The following RIMS2 variants were observed in gnomAD, a reference collection of about 807,000 sequenced individuals.
RIMS2 encodes regulating synaptic membrane exocytosis 2.
In RIMS2, 59 loss-of-function variants were observed where a neutral mutation model predicts 174.4. The observed-to-expected ratio is 0.34, with a 90% CI of 0.27 to 0.42. The LOEUF is 0.42. Ranked by LOEUF, RIMS2 falls within the 10% of genes least tolerant of loss-of-function variation. RIMS2 has a pLI of 1.00. For missense variants in RIMS2, 1,620 were observed against 1,666.3 expected, an observed-to-expected ratio of 0.97 and a Z score of 0.48; for synonymous variants, 606 against 572.5, an observed-to-expected ratio of 1.06 and a Z score of -0.84.
chr8:103,754,807 T>G (rs2097957665), intron 2 of RIMS2, among the ~76,000 whole-genome samples: 1 of 152,196 alleles, frequency 6.6e-6, no homozygotes, highest in African/African-American at 2.4e-5. Context: ...TCCCTTTACC[T>G]TGAGCCTATA....
chr8:103,696,862 CAAAAAAAA>C (rs55852238), intron 1 of RIMS2, among the ~76,000 whole-genome samples: 5 of 53,742 alleles, frequency 9.3e-5, no homozygotes, highest in African/African-American at 3.8e-4. Context: ...GACTTCGTCT[CAAAAAAAA>C]AAAAAAAAAA....
chr8:103,758,863 G>T (rs1400210418), intron 2 of RIMS2, among the ~76,000 whole-genome samples: 3 of 152,134 alleles, frequency 2.0e-5, no homozygotes, highest in Non-Finnish European at 4.4e-5. Flanking sequence ...AATAGAGAGG[G>T]TTAAAAGTTT....
chr8:103,888,100 A>C (rs2099216782), intron 4 of RIMS2, among the ~76,000 whole-genome samples: 1 of 151,498 alleles, frequency 6.6e-6, no homozygotes, highest in Non-Finnish European at 1.5e-5. Context: ...AATAATTGAA[A>C]ATGTGATACT....
intron 2 of RIMS2, among the ~76,000 whole-genome samples, chr8:103,745,344 A>G (rs772506788): frequency 2.6e-4 from 39 of 152,054 alleles, no homozygotes; most frequent in Admixed American, 5.9e-4. Context: ...TTGTATGGTT[A>G]TACCACATTT....
chr8:104,207,702 A>G (rs2099086932), intron 19 of RIMS2, among the ~76,000 whole-genome samples: 1 of 151,980 alleles, frequency 6.6e-6, no homozygotes, highest in Admixed American at 6.6e-5. Context: ...AACCCCAGCT[A>G]CTTGGGAGGC....
chr8:103,520,423 C>A (rs145706853), intron 1 of RIMS2, among the ~76,000 whole-genome samples: 1 of 152,186 alleles, frequency 6.6e-6, no homozygotes, highest in East Asian at 1.9e-4. Flanking sequence ...TGAACATTAT[C>A]TTTACTAGAG....
At chr8:103,731,029 C>G (rs2097585788) in intron 2 of RIMS2, among the ~76,000 whole-genome samples, 1 of 152,136 alleles carries the variant, frequency 6.6e-6, no homozygotes, top group Non-Finnish European at 1.5e-5. Context: ...AGAGCTTGTG[C>G]AAGGGAACTC....
At position 103,920,236 on chromosome 8, in the gene RIMS2, T is replaced by C. The variant is rs368401259; in HGVS notation, c.2084-1436T>C. Among the ~76,000 whole-genome samples, 50 of 152,264 alleles carry C rather than the reference T, an allele frequency of 3.3e-4. No individual in the cohort carries two copies. In the South Asian group the frequency reaches 9.8e-3, roughly 30 times the overall value. On this transcript the variant is annotated intron_variant, in intron 9 of 23. Transcript: ENST00000504942. ...TTATTCCTGGTTCCTCAATAAATTA[T>C]TTTCTTCTTATGGTTGTAATTGCCA...
intron 14 of RIMS2, among the ~76,000 whole-genome samples, chr8:103,959,004 A>C (rs949088839): frequency 6.6e-6 from 1 of 152,210 alleles, no homozygotes; most frequent in African/African-American, 2.4e-5. Context: ...CCATGCAGAC[A>C]AACTGGAACC....
At chr8:103,778,036 CTT>C (rs1240590045) in intron 3 of RIMS2, among the ~76,000 whole-genome samples, 2 of 151,790 alleles carry the variant, frequency 1.3e-5, no homozygotes, top group Non-Finnish European at 2.9e-5. Flanking sequence ...CTTGCTATGA[CTT>C]TGACATTTTT....
intron 19 of RIMS2, among the ~76,000 whole-genome samples, chr8:104,192,090 A>G (rs192072414): frequency 1.1e-4 from 16 of 152,320 alleles, no homozygotes; most frequent in Admixed American, 5.2e-4. Flanking sequence ...TCTTTATGCA[A>G]GTTAATTCAT....
At chr8:103,682,099 C>T (rs7843860) in intron 1 of RIMS2, among the ~76,000 whole-genome samples, 26,884 of 151,776 alleles carry the variant, frequency 0.18, 2,593 homozygotes, top group African/African-American at 0.24. Flanking sequence ...ATCTGGTTTG[C>T]GTAGGAAAAC....
chr8:104,250,569 A>C (rs570047587), intron 22 of RIMS2, among the ~76,000 whole-genome samples: 3 of 152,244 alleles, frequency 2.0e-5, no homozygotes, highest in African/African-American at 7.2e-5. Flanking sequence ...TAATTTGATC[A>C]ATATCACATG....
At chr8:104,028,808 C>T (rs1478067525) in intron 19 of RIMS2, among the ~76,000 whole-genome samples, 3 of 152,108 alleles carry the variant, frequency 2.0e-5, no homozygotes, top group African/African-American at 4.8e-5. Flanking sequence ...GGAAGGGAGC[C>T]CTGATCCAGA....
At chr8:104,179,215 T>G (rs911675914) in intron 19 of RIMS2, among the ~76,000 whole-genome samples, 1 of 152,080 alleles carries the variant, frequency 6.6e-6, no homozygotes, top group East Asian at 1.9e-4. Context: ...TCCTATGAAT[T>G]AAGAATCAGG....
intron 19 of RIMS2, among the ~76,000 whole-genome samples, chr8:104,018,647 C>T (rs2095994290): frequency 6.6e-6 from 1 of 152,062 alleles, no homozygotes; most frequent in Non-Finnish European, 1.5e-5. Flanking sequence ...TATATTTTAT[C>T]ATGTGTTATG....
intron 3 of RIMS2, among the ~76,000 whole-genome samples, chr8:103,874,980 T>G (rs1307951197): frequency 6.6e-6 from 1 of 152,032 alleles, no homozygotes; most frequent in Non-Finnish European, 1.5e-5. Flanking sequence ...GTTTGTTTCT[T>G]TTGGTTTTTT....
intron 3 of RIMS2, among the ~76,000 whole-genome samples, chr8:103,785,447 A>AAT (rs2098434903): frequency 6.6e-6 from 1 of 152,004 alleles, no homozygotes; most frequent in African/African-American, 2.4e-5. Flanking sequence ...ACATCCCATC[A>AAT]ATACCTAATT....
chr8:104,055,861 C>T (rs2096859692), intron 19 of RIMS2, among the ~76,000 whole-genome samples: 1 of 152,164 alleles, frequency 6.6e-6, no homozygotes, highest in African/African-American at 2.4e-5. Flanking sequence ...CTGTCTGTCT[C>T]TCCTAGGCTC....
Sources: allele counts gnomAD v4.1 joint callset (sites outside exome capture counted in the v4.1 genomes callset), GRCh38; gene constraint gnomAD v4.1.1; transcripts MANE v1.5; gene names NCBI Gene and HGNC (gene_info 2026-07-23, HGNC 2026-07-21).